Variants in DPP6 observed in about 807,000 individuals in gnomAD.
The protein encoded by DPP6 is A-type potassium channel modulatory protein DPP6.
Under a neutral mutation model 122.6 loss-of-function variants are expected in DPP6, and 69 were observed. The observed-to-expected ratio is 0.56, with a 90% CI of 0.46 to 0.69. The LOEUF (loss-of-function observed/expected upper bound fraction) is 0.69, where lower values mean the gene tolerates loss of function less well. Among genes scored for constraint, DPP6 ranks in the 30% least tolerant of loss-of-function variants. The pLI, the probability that DPP6 is intolerant of heterozygous loss-of-function variation, is 0.00. For missense variants in DPP6, 928 were observed against 1,116.9 expected (o/e 0.83, Z 2.41); for synonymous variants, 418 against 433.1 (o/e 0.97, Z 0.43).
chr7:154,436,255 A>G (rs1818852676), intron 1 of DPP6, among the ~76,000 whole-genome samples: 1 of 150,770 alleles, frequency 6.6e-6, no homozygotes, highest in Non-Finnish European at 1.5e-5. Context: ...CTCACTCCTG[A>G]CATGTAGCCA....
At chr7:154,399,695 G>C (rs1586162982) in intron 1 of DPP6, among the ~76,000 whole-genome samples, 1 of 152,256 alleles carries the variant, frequency 6.6e-6, no homozygotes, top group African/African-American at 2.4e-5. Context: ...ACCTGATAGG[G>C]CATGAGAGTT....
chr7:154,671,972 T>C (rs1057058831), intron 7 of DPP6, among the ~76,000 whole-genome samples: 3 of 152,130 alleles, frequency 2.0e-5, no homozygotes, highest in Non-Finnish European at 4.4e-5. Flanking sequence ...TAGACATGTC[T>C]CTCTCCTTGG....
At chr7:153,919,048 G>A (rs1179622885) in intron 1 of DPP6, among the ~76,000 whole-genome samples, 1 of 151,806 alleles carries the variant, frequency 6.6e-6, no homozygotes, top group Non-Finnish European at 1.5e-5. Flanking sequence ...CGGTACAGTG[G>A]AGTAAGAATG....
rs12673018 is a variant in DPP6, at chr7:154,435,220, C to G, written c.244-10994C>G. Among the ~76,000 whole-genome samples, 66 of 151,954 alleles carry G rather than the reference C, an allele frequency of 4.3e-4. No individual in the cohort carries two copies. The East Asian group carries it at 0.013, about 29-fold the overall frequency. ...TGGCAGAGGGACATTGAAAGAGCAA[C>G]AGGGACAGAGAGACAGAGAGAGAAC... On this transcript the variant is annotated intron_variant, in intron 1 of 25. Coordinates refer to ENST00000377770, the MANE Select transcript of DPP6 (RefSeq NM_130797.4).
At chr7:154,303,095 C>T (rs1252986177) in intron 1 of DPP6, among the ~76,000 whole-genome samples, 2 of 152,222 alleles carry the variant, frequency 1.3e-5, no homozygotes, top group African/African-American at 4.8e-5. Context: ...GATTCTCCTG[C>T]CTTAGCCTCT....
chr7:154,390,033 A>G (rs1043992159), intron 1 of DPP6, among the ~76,000 whole-genome samples: 12 of 152,224 alleles, frequency 7.9e-5, no homozygotes, highest in African/African-American at 1.7e-4. Context: ...GGTGTCCTCC[A>G]TGACAGCTTT....
At chr7:154,015,123 G>C (rs953102676) in intron 1 of DPP6, among the ~76,000 whole-genome samples, 14 of 152,202 alleles carry the variant, frequency 9.2e-5, no homozygotes, top group Admixed American at 5.9e-4. Context: ...CTAGGGGTTT[G>C]TGGAGATCCA....
intron 1 of DPP6, among the ~76,000 whole-genome samples, chr7:154,037,737 C>T (rs1799607226): frequency 1.6e-5 from 2 of 128,408 alleles, no homozygotes; most frequent in African/African-American, 6.2e-5. Context: ...AATGGCTATA[C>T]CACTAAAATG....
intron 5 of DPP6, among the ~76,000 whole-genome samples, chr7:154,569,387 A>G (rs1477877900): frequency 1.3e-5 from 2 of 152,038 alleles, no homozygotes; most frequent in Non-Finnish European, 2.9e-5. Flanking sequence ...ATATTCAAAT[A>G]CATTTGAGAA....
chr7:154,080,390 A>G (rs2150527468), intron 1 of DPP6, among the ~76,000 whole-genome samples: 1 of 152,236 alleles, frequency 6.6e-6, no homozygotes, highest in East Asian at 1.9e-4. Context: ...AGTCCTGGGA[A>G]TACCTCCAAG....
intron 1 of DPP6, among the ~76,000 whole-genome samples, chr7:153,897,548 T>G (rs546222860): frequency 6.6e-6 from 1 of 152,346 alleles, no homozygotes; most frequent in Non-Finnish European, 1.5e-5. Context: ...TACAAAAATT[T>G]TCTTATCCCT....
intron 1 of DPP6, among the ~76,000 whole-genome samples, chr7:154,083,233 T>C (rs1331783784): frequency 1.3e-5 from 2 of 152,164 alleles, no homozygotes; most frequent in Non-Finnish European, 2.9e-5. Context: ...GGCTGCTACA[T>C]GGACCTGATT....
chr7:154,208,266 A>G (rs1009293678), intron 1 of DPP6, among the ~76,000 whole-genome samples: 1 of 152,226 alleles, frequency 6.6e-6, no homozygotes, highest in Non-Finnish European at 1.5e-5. Context: ...CCAGAAATGG[A>G]GGCTGCAAAA....
intron 1 of DPP6, among the ~76,000 whole-genome samples, chr7:154,065,991 C>T (rs981389837): frequency 1.3e-5 from 2 of 151,928 alleles, no homozygotes; most frequent in Non-Finnish European, 2.9e-5. Flanking sequence ...CTAAGCCTCA[C>T]CTTCATACTT....
chr7:154,381,771 G>GC (rs1028554164), intron 1 of DPP6, among the ~76,000 whole-genome samples: 3 of 152,216 alleles, frequency 2.0e-5, no homozygotes, highest in African/African-American at 7.2e-5. Context: ...GTATGTGTCT[G>GC]CATGTGTGTG....
At chr7:154,657,128 G>A (rs1205136386) in intron 6 of DPP6, among the ~76,000 whole-genome samples, 3 of 88 alleles carry the variant, frequency 0.034, no homozygotes, top group Admixed American at 0.5. Flanking sequence ...GTGCTCATGG[G>A]TGGGTGGAGA....
intron 1 of DPP6, among the ~76,000 whole-genome samples, chr7:154,220,657 T>A (rs1184633312): frequency 6.6e-6 from 1 of 152,202 alleles, no homozygotes; most frequent in African/African-American, 2.4e-5. Context: ...ATGGAGACTG[T>A]TGGCACCTGG....
chr7:154,540,386 T>C, intron 3 of DPP6, 146 bp from the exon 4 acceptor site: 3 of 628,524 alleles, frequency 4.8e-6, no homozygotes, highest in Non-Finnish European at 8.4e-6. Flanking sequence ...GCTGGGCATA[T>C]TGCACCATAT....
At position 154,355,359 on chromosome 7, in the gene DPP6, T is replaced by A. The variant is rs118140837; in HGVS notation, c.244-90855T>A. On this transcript the variant is annotated intron_variant, in intron 1 of 25. Transcript: ENST00000377770. Reference sequence around the variant, plus strand: ...ATATAATATTTTTCACAATGGTGTCTTTTGATGAACAGAATTTTACAATTT... The same window carrying A: ...ATATAATATTTTTCACAATGGTGTCATTTGATGAACAGAATTTTACAATTT... Among the ~76,000 whole-genome samples, 616 of 152,350 alleles carry A rather than the reference T, an allele frequency of 4.0e-3. 16 individuals carry two copies. Among genetic ancestry groups the A allele is most frequent in the Admixed American group, 0.024 (373 of 15,300 alleles).
Sources: gnomAD v4.1 joint callset for allele counts (sites outside exome capture counted in the v4.1 genomes callset) on GRCh38, gnomAD v4.1.1 for gene constraint, MANE v1.5 for transcripts, NCBI Gene and HGNC (gene_info 2026-07-23, HGNC 2026-07-21) for gene names.